Variants in TNPO2 observed in about 807,000 individuals in gnomAD.
The protein encoded by TNPO2 is transportin 2, also known as transportin-2.
TNPO2 carries 16 observed loss-of-function variants against 111.1 expected under a neutral mutation model. The ratio of observed to expected loss-of-function variants is 0.14; its 90% CI spans 0.10 to 0.22. The LOEUF (loss-of-function observed/expected upper bound fraction) is 0.22, where lower values mean the gene tolerates loss of function less well. Among genes scored for constraint, TNPO2 ranks in the 10% least tolerant of loss-of-function variants. The probability of loss-of-function intolerance (pLI) is 1.00; values close to 1 mark genes in which losing one functional copy is unlikely to be tolerated. For synonymous variants in TNPO2, 481 were observed against 475.8 expected, an observed-to-expected ratio of 1.01 and a Z score of -0.14; for missense variants, 530 against 1,173.7, an observed-to-expected ratio of 0.45 and a Z score of 8.01.
chr19:12,710,525 G>C, intron 13 of TNPO2, 96 bp downstream of exon 13: 12 of 1,409,850 alleles, frequency 8.5e-6, no homozygotes, highest in Non-Finnish European at 1.1e-5. Flanking sequence ...GGGTGAGTAG[G>C]CCTCCAGGGA....
intron 5 of TNPO2, among the ~76,000 whole-genome samples, chr19:12,717,148 G>A (rs1279131550): frequency 7.0e-6 from 1 of 143,500 alleles, no homozygotes; most frequent in Non-Finnish European, 1.5e-5. Flanking sequence ...GGTACACAGT[G>A]AGGATTGTGG....
intron 13 of TNPO2, among the ~76,000 whole-genome samples, chr19:12,709,142 A>G (rs2025887309): frequency 6.6e-6 from 1 of 152,096 alleles, no homozygotes; most frequent in South Asian, 2.1e-4. Flanking sequence ...CAGGCAGATC[A>G]TGAGGTCAGG....
At position 12,701,875 on chromosome 19, in the gene TNPO2, G is replaced by A; in HGVS notation, c.2412-24C>T. The A allele has an allele frequency of 6.3e-7, 1 of 1,595,304 alleles. No homozygotes were observed. On this transcript the variant is annotated intron_variant, in intron 22 of 25. Transcript: ENST00000425528. The surrounding 1 kb of genome is among the most constrained non-coding windows in gnomAD (Gnocchi z 5.0). ...ACCTGTGGGAAGGTGAGCAGCTGGA[G>A]GTCAGAGGGCAGGCTGGGCATGCAT...
chr19:12,700,919 TC>T lies in TNPO2; in HGVS notation c.*344del. On this transcript the variant is annotated 3_prime_UTR_variant, in exon 26 of 26. Transcript: ENST00000425528. ...CCTGACCTGCTCCTCCCTCACCTCA[TC>T]CGAAGCCGGATTCGGTCAGCTGTGT... 1 of 187,666 alleles carries T rather than the reference TC, an allele frequency of 5.3e-6. No individual in the cohort carries two copies. Among genetic ancestry groups the T allele is most frequent in the East Asian group, 1.4e-4 (1 of 7,010 alleles). 11.6% of individuals were successfully genotyped at this position (187,666 alleles called of 1,614,324 possible). A position where few individuals can be genotyped will look rare whatever the true frequency, so the allele number is the denominator to read the frequency against.
chr19:12,709,721 G>A (rs945129399), intron 13 of TNPO2, among the ~76,000 whole-genome samples: 2 of 146,432 alleles, frequency 1.4e-5, no homozygotes, highest in Non-Finnish European at 3.0e-5. Flanking sequence ...GGGCTCAAAC[G>A]ATCTGCCTGC....
In TNPO2 at chr19:12,705,974, G is replaced by A. The variant is rs2025633653; in HGVS notation, c.1669-206C>T. 1 of 663,628 alleles carries A rather than the reference G, an allele frequency of 1.5e-6. No homozygotes were observed. The highest frequency in any genetic ancestry group is 2.5e-6 in the Non-Finnish European group (1 of 396,832). The allele number at this position is 663,628 out of a possible 1,614,324, so 41.1% of individuals were successfully genotyped here. On this transcript the variant is annotated intron_variant, in intron 15 of 25. Transcript: ENST00000425528. This position sits in a 1 kb window ranked among gnomAD's most constrained non-coding sequence, Gnocchi z 7.2. ...CCCACCCCACCCCCCGGGAGCCTGG[G>A]TTACCACCTCCTGGTTCCCGAAGCA...
rs1291318907 is a variant in TNPO2 at position 12,702,855 on chromosome 19, G to A, written c.2273C>T (p.Pro758Leu). The A allele has an allele frequency of 6.2e-7, 1 of 1,613,920 alleles. No homozygotes were observed. Among genetic ancestry groups the A allele is most frequent in the Non-Finnish European group, 8.5e-7 (1 of 1,179,836 alleles). ...TTCCAGCAGTGTCTTGGGTGTGTTG[G>A]GTCGGTTAATGATTTCCACCAGGTT... ...LNNLVEIINR[P>L]NTPKTLLENT... The change falls in exon 21 of 26, where the codon CCC becomes CTC. Residue 758 changes from proline (P) to leucine (L), a missense_variant. Around this residue, in one of 4 missense-constraint regions of TNPO2, gnomAD observed 183 missense variants for 481.0 expected, o/e 0.38. Transcript: ENST00000425528. This position sits in a 1 kb window ranked among gnomAD's most constrained non-coding sequence, Gnocchi z 5.5.
At position 12,721,078 on chromosome 19, in the gene TNPO2, T is replaced by C; in HGVS notation, c.-13-88A>G. On this transcript the variant is annotated intron_variant, in intron 2 of 25. Transcript: ENST00000425528. The surrounding 1 kb of genome is among the most constrained non-coding windows in gnomAD (Gnocchi z 4.9). ...AGCCCCTGAGGCCGCGGTGGCCGCA[T>C]GACGACGGGAACGCCCTCGGCGGAC... 1 of 1,531,134 alleles carries C rather than the reference T, an allele frequency of 6.5e-7. No homozygotes were observed. The highest frequency in any genetic ancestry group is 1.2e-5 in the South Asian group (1 of 83,500). The allele number at this position is 1,531,134 out of a possible 1,614,324, so 94.8% of individuals were successfully genotyped here. A position where few individuals can be genotyped will look rare whatever the true frequency, so the allele number is the denominator to read the frequency against.
intron 10 of TNPO2, 53 bp downstream of exon 10, chr19:12,714,768 G>A (rs1362368980): frequency 1.4e-6 from 2 of 1,406,424 alleles, no homozygotes; most frequent in Admixed American, 3.4e-5. Context: ...GAAGGCAGAG[G>A]CATAGCAAGG....
At position 12,715,363 on chromosome 19, in the gene TNPO2, C is replaced by T. The variant is rs1286737975; in HGVS notation, c.567-39G>A. The stretch of plus-strand genomic sequence containing the variant: ...GACACGTGGGTCACCCTGACCCTGC[C>T]CACTCCAGGCTCCCTGGAAGCCCCC... On this transcript the variant is annotated intron_variant, in intron 7 of 25. Coordinates refer to ENST00000425528, the MANE Select transcript of TNPO2 (RefSeq NM_001382241.1). The surrounding 1 kb of genome is among the most constrained non-coding windows in gnomAD (Gnocchi z 7.1). The T allele has an allele frequency of 6.2e-7, 1 of 1,613,754 alleles. No individual in the cohort carries two copies. The highest frequency in any genetic ancestry group is 8.5e-7 in the Non-Finnish European group (1 of 1,179,852).
Position 12,705,396 on chromosome 19 carries a change from C to T in TNPO2, c.1866G>A (p.Met622Ile). ...LVQKTLAQAM[M>I]YTQHPEQYEA... is the part of the protein sequence containing the mutation. ...CATACTGCTCAGGGTGCTGGGTGTA[C>T]ATCTAGACACAGATGCCGACAGGGG... The change falls in exon 18 of 26, where the codon ATG (methionine) becomes ATA (isoleucine). Residue 622 changes from methionine (M) to isoleucine (I), a missense_variant and splice_region_variant. Transcript: ENST00000425528. The surrounding 1 kb of genome is among the most constrained non-coding windows in gnomAD (Gnocchi z 7.2). The T allele has an allele frequency of 1.9e-6, 3 of 1,581,736 alleles. No homozygotes were observed. The highest frequency in any genetic ancestry group is 2.6e-6 in the Non-Finnish European group (3 of 1,164,124).
chr19:12,703,938 C>T (rs2025477739), intron 18 of TNPO2, 137 bp from the exon 19 acceptor site: 1 of 735,484 alleles, frequency 1.4e-6, no homozygotes, highest in African/African-American at 1.8e-5. Flanking sequence ...CTTAACCTCC[C>T]TAGCCTCCAG....
rs575633783 is a variant in TNPO2, at chr19:12,701,097, C to G, written c.*167G>C. On this transcript the variant is annotated 3_prime_UTR_variant, in exon 26 of 26. Coordinates refer to ENST00000425528, the MANE Select transcript of TNPO2 (RefSeq NM_001382241.1). The surrounding 1 kb of genome is among the most constrained non-coding windows in gnomAD (Gnocchi z 5.0). ...CCCACCTGCCAGGAGGGCAAGTGGA[C>G]GGATGGACGGACGGACGGACGGACG... is the stretch of plus-strand genomic sequence containing the variant. The G allele has an allele frequency of 4.5e-6, 2 of 444,392 alleles. No homozygotes were observed. The highest frequency in any genetic ancestry group is 8.1e-6 in the Non-Finnish European group (2 of 248,038). 27.5% of individuals were successfully genotyped at this position (444,392 alleles called of 1,614,324 possible). A position where few individuals can be genotyped will look rare whatever the true frequency, so the allele number is the denominator to read the frequency against.
rs1325606414 is a variant in TNPO2, at chr19:12,719,144, G to A, written c.210C>T (p.Leu70=). ...EPTRSLSGLI[L]KNNVKAHYQS... Reference sequence around the variant, plus strand: ...GATAGTGTGCCTTCACGTTGTTCTTGAGGATGAGGCCACTGAGAGAGCGCG... The same window carrying A: ...GATAGTGTGCCTTCACGTTGTTCTTAAGGATGAGGCCACTGAGAGAGCGCG... Residue 70 remains leucine, a synonymous_variant, in exon 5 of 26, where the codon CTC becomes CTT. Coordinates refer to ENST00000425528, the MANE Select transcript of TNPO2 (RefSeq NM_001382241.1). The surrounding 1 kb of genome is among the most constrained non-coding windows in gnomAD (Gnocchi z 5.0). The A allele has an allele frequency of 1.2e-6, 2 of 1,614,010 alleles. No homozygotes were observed. The highest frequency in any genetic ancestry group is 8.5e-7 in the Non-Finnish European group (1 of 1,179,908).
intron 5 of TNPO2, among the ~76,000 whole-genome samples, chr19:12,716,494 G>T (rs549211043): frequency 6.6e-6 from 1 of 152,100 alleles, no homozygotes; most frequent in Non-Finnish European, 1.5e-5. Context: ...GGTGTGGTGG[G>T]GGGCACCAGT....
intron 5 of TNPO2, among the ~76,000 whole-genome samples, chr19:12,716,816 G>A (rs1218049367): frequency 3.3e-5 from 5 of 152,106 alleles, no homozygotes; most frequent in South Asian, 2.1e-4. Flanking sequence ...TGAAGGAGGC[G>A]AGGGAGGAAT....
chr19:12,707,254 C>T (rs1194028555), intron 13 of TNPO2, among the ~76,000 whole-genome samples: 1 of 152,206 alleles, frequency 6.6e-6, no homozygotes, highest in Admixed American at 6.5e-5. Context: ...GCCCTGGCCT[C>T]CCAAAGTGCT....
rs1369604194 is a variant in TNPO2 at position 12,719,602 on chromosome 19, C to G, written c.100-266G>C. Among the ~76,000 whole-genome samples, 1 of 152,090 alleles carries G rather than the reference C, an allele frequency of 6.6e-6. No homozygotes were observed. Among genetic ancestry groups the G allele is most frequent in the Non-Finnish European group, 1.5e-5 (1 of 68,016 alleles). On this transcript the variant is annotated intron_variant, in intron 3 of 25. Transcript: ENST00000425528. The surrounding 1 kb of genome is among the most constrained non-coding windows in gnomAD (Gnocchi z 5.0). ...CACAAGGTCAGGAGTTCGAGACTAG[C>G]CTGGCCAGCGTGGTGAAACCCCATC...
chr19:12,713,863 A>G (rs1030806746), intron 10 of TNPO2, among the ~76,000 whole-genome samples: 1 of 152,034 alleles, frequency 6.6e-6, no homozygotes, highest in Admixed American at 6.6e-5. Flanking sequence ...CCTCATCTCT[A>G]CTAAAACTTA....
Sources: gnomAD v4.1 joint callset for allele counts (sites outside exome capture counted in the v4.1 genomes callset) on GRCh38, gnomAD v4.1.1 for gene constraint, gnomAD v4.1.1 regional missense constraint, Gnocchi (gnomAD v3.1) non-coding constraint, MANE v1.5 for transcripts, NCBI Gene and HGNC (gene_info 2026-07-23, HGNC 2026-07-21) for gene names.